The following SLC1A3 variants were observed in gnomAD, a reference collection of about 807,000 sequenced individuals.
SLC1A3 encodes solute carrier family 1 member 3, also known as excitatory amino acid transporter 1.
SLC1A3 carries 21 observed loss-of-function variants against 48.1 expected under a neutral mutation model. That is an observed-to-expected ratio of 0.44 (90% CI 0.31 to 0.63). The LOEUF (loss-of-function observed/expected upper bound fraction) is 0.63, where lower values mean the gene tolerates loss of function less well. Ranked by LOEUF, SLC1A3 falls within the 20% of genes least tolerant of loss-of-function variation. The pLI, the probability that SLC1A3 is intolerant of heterozygous loss-of-function variation, is 0.08. For missense variants in SLC1A3, 546 were observed against 689.0 expected (o/e 0.79, Z 2.32); for synonymous variants, 239 against 251.4 (o/e 0.95, Z 0.47).
At chr5:36,682,495 T>A (rs1017372032) in intron 8 of SLC1A3, among the ~76,000 whole-genome samples, 1 of 151,984 alleles carries the variant, frequency 6.6e-6, no homozygotes, top group Non-Finnish European at 1.5e-5. Flanking sequence ...CTTTGGCATA[T>A]TGATTGAAAG....
intron 1 of SLC1A3, chr5:36,607,416 A>G (rs1158580790): frequency 6.6e-6 from 1 of 152,172 alleles, no homozygotes; most frequent in African/African-American, 2.4e-5. Flanking sequence ...GCTGATTTCC[A>G]CCAGGAAAGA....
intron 1 of SLC1A3, chr5:36,607,213 ATTGCGAGAAGTCAT>A (rs1306149619): frequency 6.6e-6 from 1 of 152,006 alleles, no homozygotes; most frequent in Non-Finnish European, 1.5e-5. Context: ...CTGCACTGGG[ATTGCGAGAAGTCAT>A]TTGCGAGGAG....
At chr5:36,600,504 G>A (rs1738795679) in intron 1 of SLC1A3, among the ~76,000 whole-genome samples, 1 of 152,128 alleles carries the variant, frequency 6.6e-6, no homozygotes, top group South Asian at 2.1e-4. Flanking sequence ...TCTACTGCAT[G>A]TCAGCAAACA....
chr5:36,685,536 A>G (rs1221735785), intron 9 of SLC1A3, among the ~76,000 whole-genome samples: 1 of 152,212 alleles, frequency 6.6e-6, no homozygotes, highest in Non-Finnish European at 1.5e-5. Flanking sequence ...TTGGCCTCCC[A>G]AAGTGCTGAG....
chr5:36,625,655 G>A (rs1034661635), intron 2 of SLC1A3, among the ~76,000 whole-genome samples: 14 of 152,028 alleles, frequency 9.2e-5, no homozygotes, highest in Non-Finnish European at 1.5e-4. Flanking sequence ...CATAGTCAGG[G>A]ATAAAAATGA....
At chr5:36,608,113 A>G in intron 1 of SLC1A3, 1 of 292,190 alleles carries the variant, frequency 3.4e-6, no homozygotes, top group East Asian at 6.9e-5. Context: ...ACGGATTTTT[A>G]AAAAGAAAAT....
chr5:36,636,077 G>GTGTGTGTGTGTGTGTGTGTGTGTA (rs1159956666), intron 3 of SLC1A3: 2 of 152,310 alleles, frequency 1.3e-5, no homozygotes, highest in South Asian at 4.2e-4. Flanking sequence ...GTGTGTGTGT[G>GTGTGTGTGTGTGTGTGTGTGTGTA]TATTTAGGTT....
chr5:36,677,327 C>A, intron 6 of SLC1A3, 143 bp downstream of exon 6: 1 of 694,902 alleles, frequency 1.4e-6, no homozygotes, highest in Non-Finnish European at 2.4e-6. Context: ...ATCAATGAAT[C>A]TCTGGGCCTC....
At chr5:36,597,195 T>C (rs561796915) in intron 1 of SLC1A3, among the ~76,000 whole-genome samples, 1 of 151,882 alleles carries the variant, frequency 6.6e-6, no homozygotes, top group South Asian at 2.1e-4. Context: ...AACCTATTTT[T>C]GATTTTGAAA....
chr5:36,628,345 C>G (rs190669134), intron 2 of SLC1A3, among the ~76,000 whole-genome samples: 8 of 152,212 alleles, frequency 5.3e-5, no homozygotes, highest in Admixed American at 5.2e-4. Flanking sequence ...GTTCAGTTTC[C>G]GTAAAAGACT....
At chr5:36,599,331 A>G (rs1055003614) in intron 1 of SLC1A3, among the ~76,000 whole-genome samples, 2 of 152,122 alleles carry the variant, frequency 1.3e-5, no homozygotes, top group Admixed American at 1.3e-4. Flanking sequence ...AACTTTGGGT[A>G]AACCATTAAA....
At chr5:36,651,526 T>C (rs1322482026) in intron 3 of SLC1A3, among the ~76,000 whole-genome samples, 1 of 147,596 alleles carries the variant, frequency 6.8e-6, no homozygotes, top group East Asian at 2.0e-4. Context: ...TATTTCTCAC[T>C]CCTCCTCCCC....
chr5:36,631,467 G>T (rs1250054261), intron 3 of SLC1A3, among the ~76,000 whole-genome samples: 1 of 152,152 alleles, frequency 6.6e-6, no homozygotes, highest in Non-Finnish European at 1.5e-5. Context: ...TGGCTAAAGA[G>T]AAATTTTTGG....
Position 36,671,089 on chromosome 5 carries a change from A to G in SLC1A3, c.380A>G (p.Tyr127Cys). Residue 127 changes from tyrosine (Y) to cysteine (C), a missense_variant, in exon 4 of 10, where the codon TAT becomes TGT. By Grantham distance (194) the Tyr-to-Cys change is radical. Around this residue, in one of 3 missense-constraint regions of SLC1A3, gnomAD observed 348 missense variants for 392.0 expected, o/e 0.89. Coordinates refer to ENST00000265113, the MANE Select transcript of SLC1A3 (RefSeq NM_004172.5). ...GKMGMRAVVYYMTTTIIAVVI... is the reference protein window; with the variant it reads ...GKMGMRAVVYCMTTTIIAVVI... ...ATGGGAATGCGAGCTGTAGTCTATT[A>G]TATGACTACCACCATCATTGCTGTG... The G allele has an allele frequency of 1.2e-6, 2 of 1,614,066 alleles. No homozygotes were observed. The highest frequency in any genetic ancestry group is 1.7e-6 in the Non-Finnish European group (2 of 1,179,898).
intron 3 of SLC1A3, chr5:36,636,471 C>CTTTCTTTCTT: frequency 1.3e-5 from 1 of 78,812 alleles, no homozygotes; most frequent in Non-Finnish European, 2.6e-5. Flanking sequence ...TCTTTTCTTT[C>CTTTCTTTCTT]TTTCTTTCTT....
intron 3 of SLC1A3, among the ~76,000 whole-genome samples, chr5:36,631,246 A>G (rs1346606117): frequency 1.3e-5 from 2 of 152,206 alleles, no homozygotes; most frequent in Non-Finnish European, 2.9e-5. Flanking sequence ...TGAAAATCCA[A>G]TGTGTTACTC....
At chr5:36,662,345 T>C (rs1422922810) in intron 3 of SLC1A3, among the ~76,000 whole-genome samples, 1 of 152,124 alleles carries the variant, frequency 6.6e-6, no homozygotes, top group African/African-American at 2.4e-5. Context: ...CACTTTGCTT[T>C]TTGCTGCTAT....
At chr5:36,638,285 G>A (rs1387173429) in intron 3 of SLC1A3, among the ~76,000 whole-genome samples, 1 of 152,134 alleles carries the variant, frequency 6.6e-6, no homozygotes, top group Non-Finnish European at 1.5e-5. Context: ...ATTCTTGGCA[G>A]GACAAATAAG....
rs374052800 is a variant in SLC1A3, at chr5:36,616,375, G to A, written c.181+7771G>A. ...GTTTAGATAAAGGAAGATATACCCT[G>A]GATAAGTTAAGGGAGGGCGCTCCCT... On this transcript the variant is annotated intron_variant, in intron 2 of 9. Coordinates refer to ENST00000265113, the MANE Select transcript of SLC1A3 (RefSeq NM_004172.5). 2.0e-4 allele frequency among the ~76,000 whole-genome samples: 31 copies of A among 152,290 alleles called. 1 individual carries two copies. In the East Asian group the frequency reaches 6.0e-3, roughly 29 times the overall value.
Sources: allele counts gnomAD v4.1 joint callset (sites outside exome capture counted in the v4.1 genomes callset), GRCh38; gene constraint gnomAD v4.1.1; regional missense constraint gnomAD v4.1.1; transcripts MANE v1.5; gene names NCBI Gene and HGNC (gene_info 2026-07-23, HGNC 2026-07-21).